PLCB1: variants seen among roughly 807,000 people sequenced by gnomAD.
PLCB1 encodes the protein 1-phosphatidylinositol 4,5-bisphosphate phosphodiesterase beta-1.
In PLCB1, 46 loss-of-function variants were observed where a neutral mutation model predicts 161.8. The ratio of observed to expected loss-of-function variants is 0.28; its 90% CI spans 0.22 to 0.36. The LOEUF is 0.36. PLCB1 is among the 10% of genes least tolerant of loss of function. The probability of loss-of-function intolerance (pLI) is 1.00; values close to 1 mark genes in which losing one functional copy is unlikely to be tolerated. For synonymous variants in PLCB1, 517 were observed against 503.7 expected (o/e 1.03, Z -0.35); for missense variants, 1,016 against 1,472.5 (o/e 0.69, Z 5.07).
chr20:8,803,951 G>A (rs1420460986), intron 31 of PLCB1, among the ~76,000 whole-genome samples: 11 of 151,890 alleles, frequency 7.2e-5, no homozygotes, highest in Admixed American at 7.2e-4. Flanking sequence ...CCTCCACTAC[G>A]CCCAGCTAAT....
intron 9 of PLCB1, among the ~76,000 whole-genome samples, chr20:8,664,076 A>G (rs1171153688): frequency 6.6e-6 from 1 of 152,130 alleles, no homozygotes; most frequent in African/African-American, 2.4e-5. Flanking sequence ...GAAAGCAGTA[A>G]TTTTTTTCAT....
chr20:8,164,213 T>C (rs2051654189), intron 2 of PLCB1, among the ~76,000 whole-genome samples: 1 of 152,154 alleles, frequency 6.6e-6, no homozygotes, highest in Non-Finnish European at 1.5e-5. Flanking sequence ...AATTGGGCCA[T>C]TAATCTAGGG....
chr20:8,536,590 T>G (rs1417519853), intron 3 of PLCB1, among the ~76,000 whole-genome samples: 1 of 152,134 alleles, frequency 6.6e-6, no homozygotes, highest in Non-Finnish European at 1.5e-5. Context: ...GGGCTAGACA[T>G]CCCAGGTGAT....
chr20:8,590,981 C>A (rs574068304), intron 3 of PLCB1, among the ~76,000 whole-genome samples: 2 of 152,118 alleles, frequency 1.3e-5, no homozygotes, highest in Non-Finnish European at 2.9e-5. Context: ...TCCCCCTCCC[C>A]GACCTTCCAA....
intron 23 of PLCB1, among the ~76,000 whole-genome samples, chr20:8,753,065 G>T (rs1352438467): frequency 6.6e-6 from 1 of 152,002 alleles, no homozygotes; most frequent in Non-Finnish European, 1.5e-5. Flanking sequence ...ATTGTGAACT[G>T]CACATGTGAA....
At chr20:8,577,361 C>T (rs1986702657) in intron 3 of PLCB1, among the ~76,000 whole-genome samples, 1 of 151,052 alleles carries the variant, frequency 6.6e-6, no homozygotes, top group African/African-American at 2.4e-5. Context: ...TGGCGTGAAC[C>T]CGGGAGGCGG....
chr20:8,455,670 T>G (rs1182057549), intron 3 of PLCB1, among the ~76,000 whole-genome samples: 1 of 152,026 alleles, frequency 6.6e-6, no homozygotes, highest in Admixed American at 6.6e-5. Context: ...CTTCTAAGTG[T>G]GCTGCACCCA....
intron 11 of PLCB1, among the ~76,000 whole-genome samples, chr20:8,706,217 G>C (rs1293812979): frequency 6.6e-6 from 1 of 152,212 alleles, no homozygotes; most frequent in African/African-American, 2.4e-5. Flanking sequence ...ACAACAACAT[G>C]ATGGGTCTTT....
chr20:8,213,984 A>G (rs1223060022), intron 2 of PLCB1, among the ~76,000 whole-genome samples: 1 of 152,070 alleles, frequency 6.6e-6, no homozygotes, highest in Non-Finnish European at 1.5e-5. Context: ...CAGTTCTGTT[A>G]TACTTTAATC....
rs574235669 is a variant in PLCB1 at position 8,198,712 on chromosome 20, G to A, written c.177+48341G>A. ...ATGGAACTGCTGCTGCTTCAAACTA[G>A]ATATCTGACACTAGTGCTAATGGCT... On this transcript the variant is annotated intron_variant, in intron 2 of 31. Coordinates refer to ENST00000338037, the MANE Select transcript of PLCB1 (RefSeq NM_015192.4). 3.4e-4 allele frequency among the ~76,000 whole-genome samples: 52 copies of A among 152,108 alleles called. 2 individuals are homozygous for A. The highest frequency in any genetic ancestry group is 3.4e-3 in the Middle Eastern group (1 of 294).
At chr20:8,639,050 G>A (rs1398898436) in intron 4 of PLCB1, among the ~76,000 whole-genome samples, 1 of 152,146 alleles carries the variant, frequency 6.6e-6, no homozygotes, top group Non-Finnish European at 1.5e-5. Context: ...GGGCATTGTG[G>A]GTGGTAAGAG....
chr20:8,249,468 A>T (rs780451406), intron 2 of PLCB1: 1 of 151,924 alleles, frequency 6.6e-6, no homozygotes, highest in Non-Finnish European at 1.5e-5. Flanking sequence ...CCTGTCCATC[A>T]TTGGAAGTAA....
intron 3 of PLCB1, among the ~76,000 whole-genome samples, chr20:8,619,784 G>A (rs1190142645): frequency 6.6e-6 from 1 of 152,166 alleles, no homozygotes; most frequent in Non-Finnish European, 1.5e-5. Flanking sequence ...CAAAATTAAA[G>A]TGCAAATGTT....
At chr20:8,266,697 C>T (rs976975739) in intron 2 of PLCB1, among the ~76,000 whole-genome samples, 2 of 152,156 alleles carry the variant, frequency 1.3e-5, no homozygotes, top group Non-Finnish European at 2.9e-5. Flanking sequence ...TTTAAAATAG[C>T]CTTTCTCTCC....
At chr20:8,519,503 C>T (rs1984265718) in intron 3 of PLCB1, among the ~76,000 whole-genome samples, 2 of 152,092 alleles carry the variant, frequency 1.3e-5, no homozygotes, top group African/African-American at 2.4e-5. Flanking sequence ...CCCTCTTCAT[C>T]CTGCCTGCTC....
At chr20:8,255,613 T>C (rs938532514) in intron 2 of PLCB1, among the ~76,000 whole-genome samples, 1 of 152,068 alleles carries the variant, frequency 6.6e-6, no homozygotes, top group Non-Finnish European at 1.5e-5. Context: ...ATTGCATTAT[T>C]GAAGACAACC....
chr20:8,640,035 A>C (rs1988895018), intron 4 of PLCB1, among the ~76,000 whole-genome samples: 1 of 152,266 alleles, frequency 6.6e-6, no homozygotes, highest in African/African-American at 2.4e-5. Context: ...TGAGTTACCA[A>C]GGGCAAAATA....
rs371471259 is a variant in PLCB1 at position 8,637,252 on chromosome 20, G to A, written c.384+8821G>A. On this transcript the variant is annotated intron_variant, in intron 4 of 31. Transcript: ENST00000338037. ...CCAAATGATGCCCAATGAAAAGCTG[G>A]CACTAAGGATTAAAAATACTTTTTG... Among the ~76,000 whole-genome samples the A allele has an allele frequency of 5.3e-5, 8 of 152,244 alleles. No individual in the cohort carries two copies. In the East Asian group the frequency reaches 1.5e-3, roughly 29 times the overall value.
At chr20:8,533,429 A>C (rs1490669366) in intron 3 of PLCB1, among the ~76,000 whole-genome samples, 1 of 151,866 alleles carries the variant, frequency 6.6e-6, no homozygotes, top group Non-Finnish European at 1.5e-5. Flanking sequence ...GATCCCTGAG[A>C]AATCGCCACA....
Sources: gnomAD v4.1 joint callset for allele counts (sites outside exome capture counted in the v4.1 genomes callset) on GRCh38, gnomAD v4.1.1 for gene constraint, MANE v1.5 for transcripts, NCBI Gene and HGNC (gene_info 2026-07-23, HGNC 2026-07-21) for gene names.